RYR3: variants seen among roughly 807,000 people sequenced by gnomAD.
The protein encoded by RYR3 is brain ryanodine receptor-calcium release channel.
A neutral mutation model predicts 584.3 loss-of-function variants in RYR3; 207 were observed. That is an observed-to-expected ratio of 0.35 (90% CI 0.32 to 0.40). The LOEUF is 0.40. Ranked by LOEUF, RYR3 falls within the 10% of genes least tolerant of loss-of-function variation. The pLI is 1.00. For synonymous variants in RYR3, 2,416 were observed against 2,248.5 expected, an observed-to-expected ratio of 1.07 and a Z score of -2.11; for missense variants, 5,616 against 6,089.2, an observed-to-expected ratio of 0.92 and a Z score of 2.59.
At chr15:33,337,984 G>A (rs1320630923) in intron 1 of RYR3, among the ~76,000 whole-genome samples, 3 of 126,860 alleles carry the variant, frequency 2.4e-5, no homozygotes, top group Non-Finnish European at 4.7e-5. Flanking sequence ...TCACTCTGTC[G>A]CCCAGGCTAG....
chr15:33,734,808 G>A (rs1190887428), intron 48 of RYR3, among the ~76,000 whole-genome samples: 1 of 149,608 alleles, frequency 6.7e-6, no homozygotes, highest in Non-Finnish European at 1.5e-5. Flanking sequence ...TCCTGCCTCA[G>A]CCTCCTAAGT....
intron 18 of RYR3, among the ~76,000 whole-genome samples, chr15:33,603,943 C>CT (rs2059791570): frequency 6.6e-6 from 1 of 152,240 alleles, no homozygotes; most frequent in African/African-American, 2.4e-5. Flanking sequence ...TCAGGGCTTC[C>CT]TTTTTTTAGA....
Position 33,834,977 on chromosome 15 carries a change from A to G in RYR3, c.11473A>G (p.Ile3825Val). Residue 3825 changes from isoleucine (I) to valine (V), a missense_variant, in exon 87 of 104, where the codon ATT (isoleucine) becomes GTT (valine). Transcript: ENST00000634891. ...SLTEYIQGPC[I>V]GNQQSLAHSR... ...GTCCTCTTCTCTGCAGGGCCCTTGCATTGGTAATCAACAGAGCCTGGCTCA... is the reference window on the plus strand; with the variant it reads ...GTCCTCTTCTCTGCAGGGCCCTTGCGTTGGTAATCAACAGAGCCTGGCTCA... 1 of 1,613,906 alleles carries G rather than the reference A, an allele frequency of 6.2e-7. No individual in the cohort carries two copies. The highest frequency in any genetic ancestry group is 8.5e-7 in the Non-Finnish European group (1 of 1,179,836).
At chr15:33,513,450 C>T (rs1336807551) in intron 3 of RYR3, among the ~76,000 whole-genome samples, 3 of 152,012 alleles carry the variant, frequency 2.0e-5, no homozygotes, top group South Asian at 2.1e-4. Context: ...AAAATGATGA[C>T]GTGGAATCGG....
intron 33 of RYR3, 71 bp from the exon 34 acceptor site, chr15:33,660,126 G>A (rs879393412): frequency 3.2e-5 from 33 of 1,033,744 alleles, no homozygotes; most frequent in East Asian, 5.2e-5. Flanking sequence ...TGGCCATATC[G>A]GTTAAAATGT....
intron 48 of RYR3, among the ~76,000 whole-genome samples, chr15:33,734,192 C>T (rs1020781709): frequency 6.6e-6 from 1 of 152,088 alleles, no homozygotes; most frequent in Non-Finnish European, 1.5e-5. Context: ...CAAACCAGGC[C>T]TAATATTATG....
intron 64 of RYR3, among the ~76,000 whole-genome samples, chr15:33,775,581 G>C (rs62010990): frequency 2.0e-5 from 3 of 152,056 alleles, no homozygotes; most frequent in African/African-American, 7.2e-5. Context: ...CTTGTGTTTA[G>C]TGATTTAATG....
At chr15:33,560,293 T>G (rs1052594061) in intron 10 of RYR3, among the ~76,000 whole-genome samples, 4 of 152,370 alleles carry the variant, frequency 2.6e-5, no homozygotes, top group Admixed American at 2.6e-4. Context: ...TTGTTTGTTG[T>G]TGCTGCTGTT....
chr15:33,374,934 T>A (rs563022608), intron 1 of RYR3, among the ~76,000 whole-genome samples: 6 of 152,348 alleles, frequency 3.9e-5, no homozygotes, highest in Non-Finnish European at 5.9e-5. Context: ...TGCTATTTAC[T>A]TTAAAGAACT....
At chr15:33,839,063 A>G (rs1019243168) in intron 89 of RYR3, 105 bp downstream of exon 89, 12 of 1,370,352 alleles carry the variant, frequency 8.8e-6, no homozygotes, top group African/African-American at 4.3e-5. Context: ...CCAACACTCT[A>G]TGTTAGACAG....
At chr15:33,723,939 G>T (rs898283258) in intron 44 of RYR3, 126 bp from the exon 45 acceptor site, 9 of 609,342 alleles carry the variant, frequency 1.5e-5, no homozygotes, top group Non-Finnish European at 2.6e-5. Context: ...GGAAGACGAG[G>T]TTCCAAGGGA....
rs1566992285 is a variant in RYR3, at chr15:33,707,003, A to G, written c.6568A>G (p.Ile2190Val). The G allele has an allele frequency of 3.1e-6, 5 of 1,613,954 alleles. No homozygotes were observed. The highest frequency in any genetic ancestry group is 4.5e-5 in the East Asian group (2 of 44,872). ...KGYPDVGWNP[I>V]EGERYLSFLR... ...ATACCCTGATGTCGGCTGGAACCCCATTGAAGGGGAACGCTACCTGTCCTT... is the reference window on the plus strand; with the variant it reads ...ATACCCTGATGTCGGCTGGAACCCCGTTGAAGGGGAACGCTACCTGTCCTT... The change falls in exon 43 of 104, where the codon ATT (isoleucine) becomes GTT (valine). Residue 2190 changes from isoleucine to valine, a missense_variant. By Grantham distance (29) the Ile-to-Val change is conservative. This residue lies in a region of RYR3 where 1,280 missense variants were observed against 1,426.2 expected (regional missense o/e 0.90). Transcript: ENST00000634891.
chr15:33,446,690 C>T (rs1322236126), intron 1 of RYR3, among the ~76,000 whole-genome samples: 4 of 152,200 alleles, frequency 2.6e-5, no homozygotes, highest in African/African-American at 9.7e-5. Context: ...ACGGTAAATT[C>T]TGAGGTACTC....
intron 1 of RYR3, among the ~76,000 whole-genome samples, chr15:33,415,566 T>C (rs2043743825): frequency 6.6e-6 from 1 of 151,636 alleles, no homozygotes; most frequent in Non-Finnish European, 1.5e-5. Flanking sequence ...ACCAGTGCTA[T>C]AGGAGAACAG....
At chr15:33,836,884 G>A (rs569880472) in intron 87 of RYR3, 22 bp from the exon 88 acceptor site, 3 of 1,601,480 alleles carry the variant, frequency 1.9e-6, no homozygotes, top group East Asian at 4.5e-5. Flanking sequence ...TAGCTCAGGG[G>A]TATCTCCTGT....
intron 50 of RYR3, among the ~76,000 whole-genome samples, chr15:33,739,183 C>A (rs1414217001): frequency 6.6e-6 from 1 of 152,174 alleles, no homozygotes; most frequent in African/African-American, 2.4e-5. Flanking sequence ...AGGTCAGGAG[C>A]TTTAAAGGTA....
At chr15:33,445,041 G>C (rs2046518694) in intron 1 of RYR3, among the ~76,000 whole-genome samples, 2 of 152,152 alleles carry the variant, frequency 1.3e-5, no homozygotes, top group African/African-American at 4.8e-5. Context: ...ATCCTAAAAG[G>C]ACACTATCAA....
At chr15:33,848,491 C>T in intron 94 of RYR3, 70 bp downstream of exon 94, 2 of 1,517,024 alleles carry the variant, frequency 1.3e-6, no homozygotes, top group East Asian at 2.3e-5. Context: ...ACTCTTTCCT[C>T]CTGGCCTTAA....
At chr15:33,317,520 A>T (rs1968362642) in intron 1 of RYR3, among the ~76,000 whole-genome samples, 1 of 152,128 alleles carries the variant, frequency 6.6e-6, no homozygotes. Flanking sequence ...CAGTCACTGC[A>T]GTTTCCTTTG....
Sources: gnomAD v4.1 joint callset for allele counts (sites outside exome capture counted in the v4.1 genomes callset) on GRCh38, gnomAD v4.1.1 for gene constraint, gnomAD v4.1.1 regional missense constraint, MANE v1.5 for transcripts, NCBI Gene and HGNC (gene_info 2026-07-23, HGNC 2026-07-21) for gene names.